Variants in RORA observed in about 807,000 individuals in gnomAD.
The protein encoded by RORA is RAR related orphan receptor A.
Under a neutral mutation model 69.5 loss-of-function variants are expected in RORA, and 7 were observed. The observed-to-expected ratio is 0.10, with a 90% CI of 0.06 to 0.19. RORA has a LOEUF of 0.19. RORA is among the 10% of genes least tolerant of loss of function. The probability of loss-of-function intolerance (pLI) is 1.00; values close to 1 mark genes in which losing one functional copy is unlikely to be tolerated. For missense variants in RORA, 457 were observed against 663.0 expected, an observed-to-expected ratio of 0.69 and a Z score of 3.41; for synonymous variants, 261 against 240.8, an observed-to-expected ratio of 1.08 and a Z score of -0.78.
intron 1 of RORA, among the ~76,000 whole-genome samples, chr15:61,029,322 G>C (rs548784096): frequency 6.6e-6 from 1 of 152,254 alleles, no homozygotes; most frequent in African/African-American, 2.4e-5. Flanking sequence ...AAAAAGGCCA[G>C]GGAGGATCAG....
At chr15:60,839,324 T>C (rs189091043) in intron 1 of RORA, among the ~76,000 whole-genome samples, 2 of 152,360 alleles carry the variant, frequency 1.3e-5, no homozygotes, top group South Asian at 4.1e-4. Context: ...ATGATAATAA[T>C]TGAAATTACA....
chr15:60,858,145 A>G (rs188464292), intron 1 of RORA, among the ~76,000 whole-genome samples: 2 of 152,256 alleles, frequency 1.3e-5, no homozygotes, highest in African/African-American at 4.8e-5. Flanking sequence ...GTTACTATGG[A>G]GAGTCAGAAC....
chr15:60,569,592 A>G (rs2067819468), intron 2 of RORA, among the ~76,000 whole-genome samples: 1 of 152,182 alleles, frequency 6.6e-6, no homozygotes, highest in East Asian at 1.9e-4. Flanking sequence ...AAAGGGGGAA[A>G]CAGGGCAACA....
intron 1 of RORA, among the ~76,000 whole-genome samples, chr15:60,914,397 C>G (rs1415532120): frequency 6.6e-6 from 1 of 152,064 alleles, no homozygotes; most frequent in Non-Finnish European, 1.5e-5. Context: ...ACCAGGCAGC[C>G]ACTCCTCCTT....
At chr15:61,170,716 T>C (rs1403932630) in intron 1 of RORA, among the ~76,000 whole-genome samples, 1 of 152,244 alleles carries the variant, frequency 6.6e-6, no homozygotes, top group Admixed American at 6.5e-5. Flanking sequence ...CAGCCATGAT[T>C]ATATCAATAT....
At chr15:61,034,145 G>C (rs1485627320) in intron 1 of RORA, among the ~76,000 whole-genome samples, 2 of 152,120 alleles carry the variant, frequency 1.3e-5, no homozygotes, top group African/African-American at 4.8e-5. Flanking sequence ...TTAAAGTTCT[G>C]TATCATACAC....
intron 1 of RORA, among the ~76,000 whole-genome samples, chr15:61,136,315 G>A (rs1469550549): frequency 6.6e-6 from 1 of 152,070 alleles, no homozygotes; most frequent in Non-Finnish European, 1.5e-5. Flanking sequence ...ACAGTTATGT[G>A]ATGCTGACAG....
At chr15:61,216,110 C>T (rs567032097) in intron 1 of RORA, among the ~76,000 whole-genome samples, 2 of 152,292 alleles carry the variant, frequency 1.3e-5, no homozygotes, top group East Asian at 3.9e-4. Context: ...TATGCCTCTA[C>T]TCCTTGAATA....
chr15:61,185,003 AAG>A (rs1183883959), intron 1 of RORA, among the ~76,000 whole-genome samples: 15 of 148,580 alleles, frequency 1.0e-4, no homozygotes, highest in African/African-American at 3.5e-4. Flanking sequence ...AAAAAAAAAA[AAG>A]AAGAAGAAGA....
intron 1 of RORA, among the ~76,000 whole-genome samples, chr15:60,762,800 C>T (rs2071914882): frequency 6.6e-6 from 1 of 152,196 alleles, no homozygotes; most frequent in Admixed American, 6.5e-5. Flanking sequence ...TGCTTCTCCT[C>T]TTTCTCTGTT....
intron 1 of RORA, among the ~76,000 whole-genome samples, chr15:61,118,084 T>C (rs2079066599): frequency 6.6e-6 from 1 of 152,200 alleles, no homozygotes; most frequent in Non-Finnish European, 1.5e-5. Context: ...ATATGGTCTC[T>C]ATCCTCAAAG....
At chr15:60,913,704 C>T (rs1055359748) in intron 1 of RORA, among the ~76,000 whole-genome samples, 3 of 152,124 alleles carry the variant, frequency 2.0e-5, no homozygotes, top group African/African-American at 7.2e-5. Context: ...TGGCTATGGG[C>T]AAATATTTGG....
intron 1 of RORA, among the ~76,000 whole-genome samples, chr15:60,827,017 T>C (rs1398317286): frequency 1.3e-5 from 2 of 152,160 alleles, no homozygotes; most frequent in East Asian, 1.9e-4. Context: ...CAAGTTCTTG[T>C]AGGAGTATAA....
chr15:60,793,460 T>C (rs1425524551), intron 1 of RORA, among the ~76,000 whole-genome samples: 2 of 152,224 alleles, frequency 1.3e-5, no homozygotes, highest in East Asian at 1.9e-4. Context: ...CAATGCCCAA[T>C]GCAGACAGAG....
At chr15:60,652,651 C>T (rs1567142229) in intron 2 of RORA, among the ~76,000 whole-genome samples, 2 of 152,168 alleles carry the variant, frequency 1.3e-5, no homozygotes, top group Admixed American at 1.3e-4. Flanking sequence ...TTTTCATTTT[C>T]ATTTTCCTTC....
intron 1 of RORA, among the ~76,000 whole-genome samples, chr15:60,770,501 C>A (rs2072057480): frequency 6.6e-6 from 1 of 152,158 alleles, no homozygotes; most frequent in Non-Finnish European, 1.5e-5. Flanking sequence ...ATCTCATAAC[C>A]AGGTAATTCA....
At chr15:61,006,001 G>A (rs558613513) in intron 1 of RORA, among the ~76,000 whole-genome samples, 19 of 151,920 alleles carry the variant, frequency 1.3e-4, no homozygotes, top group East Asian at 1.9e-4. Context: ...AAGGAGTCTC[G>A]CTCTGTCACC....
At chr15:61,146,062 C>G (rs1344580143) in intron 1 of RORA, among the ~76,000 whole-genome samples, 17 of 152,130 alleles carry the variant, frequency 1.1e-4, no homozygotes, top group Admixed American at 1.1e-3. Context: ...ATGAAAACAA[C>G]CAATGCCACC....
chr15:61,196,583 A>G (rs2140921467), intron 1 of RORA, among the ~76,000 whole-genome samples: 1 of 152,386 alleles, frequency 6.6e-6, no homozygotes, highest in East Asian at 1.9e-4. Context: ...TTTCCCTGCT[A>G]GCAGCTTTGT....
Sources: allele counts gnomAD v4.1 joint callset (sites outside exome capture counted in the v4.1 genomes callset), GRCh38; gene constraint gnomAD v4.1.1; transcripts MANE v1.5; gene names NCBI Gene and HGNC (gene_info 2026-07-23, HGNC 2026-07-21).